Variants in SH3RF1 observed in about 807,000 individuals in gnomAD.
SH3RF1 encodes the protein E3 ubiquitin-protein ligase SH3RF1.
In SH3RF1, 32 loss-of-function variants were observed where a neutral mutation model predicts 74.0. That is an observed-to-expected ratio of 0.43 (90% CI 0.33 to 0.58). The LOEUF (loss-of-function observed/expected upper bound fraction) is 0.58. Ranked by LOEUF, SH3RF1 falls within the 20% of genes least tolerant of loss-of-function variation. The pLI is 0.05. For synonymous variants in SH3RF1, 396 were observed against 439.6 expected (o/e 0.90, Z 1.24); for missense variants, 954 against 1,130.9 (o/e 0.84, Z 2.24).
At chr4:169,156,866 A>T (rs1435646981) in intron 2 of SH3RF1, among the ~76,000 whole-genome samples, 187 bp from the exon 3 acceptor site, 1 of 152,220 alleles carries the variant, frequency 6.6e-6, no homozygotes, top group African/African-American at 2.4e-5. Context: ...AATTGTCCAT[A>T]GTGACATAAG....
At position 169,268,875 on chromosome 4, in the gene SH3RF1, T is replaced by C. The variant is rs757824921; in HGVS notation, c.338A>G (p.Gln113Arg). The stretch of plus-strand genomic sequence containing the variant: ...AGGCTGCTGTCCGCCCTGGGAGCTC[T>C]GCAGATCTTTTGAGCTACAATTAGC... ...TVANCSSKDL[Q>R]SSQGGQQPRV... The change falls in exon 2 of 12, where the codon CAG becomes CGG. Residue 113 changes from glutamine to arginine, a missense_variant. Coordinates refer to ENST00000284637, the MANE Select transcript of SH3RF1 (RefSeq NM_020870.4). The C allele has an allele frequency of 1.2e-6, 2 of 1,612,592 alleles. No individual in the cohort carries two copies. The highest frequency in any genetic ancestry group is 1.7e-6 in the Non-Finnish European group (2 of 1,179,824).
chr4:169,197,632 A>AAAAAAAG (rs1554008299), intron 2 of SH3RF1, among the ~76,000 whole-genome samples: 1 of 150,000 alleles, frequency 6.7e-6, no homozygotes, highest in Non-Finnish European at 1.5e-5. Context: ...CTCAAAAAAA[A>AAAAAAAG]AAAAAAAGCC....
rs191631088 is a variant in SH3RF1, at chr4:169,123,350, T to A, written c.1180-1084A>T. On this transcript the variant is annotated intron_variant, in intron 6 of 11. Transcript: ENST00000284637. ...ACATAACGAACTGAGTGGAAAAAAA[T>A]TTCAAATTTCTAGACGCACGCTGTA... Among the ~76,000 whole-genome samples the A allele has an allele frequency of 2.0e-3, 299 of 152,244 alleles. 1 individual carries two copies. Among genetic ancestry groups the A allele is most frequent in the Admixed American group, 4.6e-3 (70 of 15,296 alleles).
chr4:169,111,381 A>G (rs1023367495), intron 10 of SH3RF1, among the ~76,000 whole-genome samples: 1 of 150,670 alleles, frequency 6.6e-6, no homozygotes, highest in African/African-American at 2.4e-5. Context: ...CAGCCTCCCA[A>G]GTAGCTAGGA....
At chr4:169,209,204 G>A (rs897526224) in intron 2 of SH3RF1, among the ~76,000 whole-genome samples, 6 of 151,646 alleles carry the variant, frequency 4.0e-5, no homozygotes, top group African/African-American at 1.2e-4. Context: ...CAGGAGAATC[G>A]CTTGAACCCA....
chr4:169,119,915 G>A (rs966428800), intron 8 of SH3RF1, among the ~76,000 whole-genome samples: 24 of 152,178 alleles, frequency 1.6e-4, no homozygotes, highest in African/African-American at 5.6e-4. Context: ...TCATTTAACT[G>A]TTTCCAAGGC....
intron 2 of SH3RF1, among the ~76,000 whole-genome samples, chr4:169,188,968 T>C (rs1282091232): frequency 2.0e-5 from 3 of 152,026 alleles, no homozygotes; most frequent in Non-Finnish European, 4.4e-5. Flanking sequence ...TTCAAAAAGA[T>C]AAATATAGTG....
intron 2 of SH3RF1, among the ~76,000 whole-genome samples, chr4:169,168,478 G>A (rs1393891988): frequency 6.6e-6 from 1 of 152,202 alleles, no homozygotes; most frequent in Non-Finnish European, 1.5e-5. Flanking sequence ...CAGAAAAGCT[G>A]TAGAAACTGA....
At chr4:169,173,630 G>T (rs1315072558) in intron 2 of SH3RF1, among the ~76,000 whole-genome samples, 1 of 152,108 alleles carries the variant, frequency 6.6e-6, no homozygotes, top group Non-Finnish European at 1.5e-5. Context: ...GGTCTGGAGG[G>T]TTACACATGT....
At position 169,107,171 on chromosome 4, in the gene SH3RF1, C is replaced by G; in HGVS notation, c.2174G>C (p.Gly725Ala). Residue 725 changes from glycine (G) to alanine (A), a missense_variant, in exon 11 of 12, where the codon GGC (glycine) becomes GCC (alanine). Gly to Ala is a moderately conservative substitution (Grantham distance 60). Transcript: ENST00000284637. ...GCGGGGCTTCCGTTTAGTGGAGGCG[C>G]CAGAAAGCAACTTCAACAAACCCTT... ...EKKGLLKLLS[G>A]ASTKRKPRVS... The G allele has an allele frequency of 6.4e-7, 1 of 1,557,910 alleles. No individual in the cohort carries two copies. The highest frequency in any genetic ancestry group is 8.7e-7 in the Non-Finnish European group (1 of 1,153,118).
intron 2 of SH3RF1, among the ~76,000 whole-genome samples, chr4:169,266,082 GA>G (rs1561068790): frequency 6.6e-6 from 1 of 152,128 alleles, no homozygotes; most frequent in Admixed American, 6.5e-5. Context: ...GTAAAAAACT[GA>G]TGGATTCCCA....
Position 169,130,100 on chromosome 4 carries a change from T to A in SH3RF1, c.1125A>T (p.Thr375=), listed in dbSNP as rs1490408096. 8.7e-6 allele frequency: 14 copies of A among 1,612,978 alleles called. No homozygotes were observed. Among genetic ancestry groups the A allele is most frequent in the Non-Finnish European group, 1.2e-5 (14 of 1,179,662 alleles). ...ATGGGAAAGTAAACGAGGGGCCAGT[T>A]GTCACTGGGCTGCTTGGGGGCGGGG... is the stretch of plus-strand genomic sequence containing the variant. ...IVTPPPSSPV[T]TGPSFTFPSD... The change falls in exon 6 of 12, where the codon ACA becomes ACT. Residue 375 remains threonine (T), a synonymous_variant. Coordinates refer to ENST00000284637, the MANE Select transcript of SH3RF1 (RefSeq NM_020870.4).
At chr4:169,166,780 CGTTACTTTGACTGG>C (rs1734252412) in intron 2 of SH3RF1, 1 of 202,670 alleles carries the variant, frequency 4.9e-6, no homozygotes, top group South Asian at 1.0e-4. Context: ...GCTACCGGCT[CGTTACTTTGACTGG>C]ACCTCTGGTC....
chr4:169,103,205 G>C (rs1733072178), intron 11 of SH3RF1, among the ~76,000 whole-genome samples: 3 of 150,854 alleles, frequency 2.0e-5, no homozygotes, highest in Admixed American at 1.3e-4. Context: ...CAAAGTGCTG[G>C]GATTACAGGC....
chr4:169,246,567 T>C (rs79349884), intron 2 of SH3RF1, among the ~76,000 whole-genome samples: 3,950 of 152,320 alleles, frequency 0.026, 179 homozygotes, highest in African/African-American at 0.091. Context: ...TATTTAAGCA[T>C]GCAACTGTAT....
chr4:169,259,651 A>G (rs1407736289), intron 2 of SH3RF1, among the ~76,000 whole-genome samples: 1 of 152,210 alleles, frequency 6.6e-6, no homozygotes, highest in Non-Finnish European at 1.5e-5. Flanking sequence ...TGTACTCTTT[A>G]TAATAAAAGC....
At chr4:169,096,745 T>G in intron 11 of SH3RF1, 58 bp from the exon 12 acceptor site, 2 of 1,529,714 alleles carry the variant, frequency 1.3e-6, no homozygotes, top group Non-Finnish European at 1.8e-6. Context: ...TAAAAAATGG[T>G]GTACTGTTAG....
intron 5 of SH3RF1, among the ~76,000 whole-genome samples, 156 bp from the exon 6 acceptor site, chr4:169,130,312 A>G (rs935354725): frequency 5.3e-5 from 8 of 152,118 alleles, no homozygotes; most frequent in African/African-American, 1.9e-4. Flanking sequence ...CTCAACCCAA[A>G]TTTACCAGTG....
intron 3 of SH3RF1, 150 bp from the exon 4 acceptor site, chr4:169,155,725 G>A (rs1195556595): frequency 3.1e-6 from 2 of 638,438 alleles, no homozygotes; most frequent in Non-Finnish European, 5.5e-6. Context: ...TGGATTAAAT[G>A]TTTTCATGAA....
Sources: allele counts gnomAD v4.1 joint callset (sites outside exome capture counted in the v4.1 genomes callset), GRCh38; gene constraint gnomAD v4.1.1; transcripts MANE v1.5; gene names NCBI Gene and HGNC (gene_info 2026-07-23, HGNC 2026-07-21).